Variants in PLPP3 observed in about 807,000 individuals in gnomAD.
PLPP3 encodes phospholipid phosphatase 3.
PLPP3 carries 6 observed loss-of-function variants against 29.6 expected under a neutral mutation model. That is an observed-to-expected ratio of 0.20 (90% CI 0.11 to 0.40). The LOEUF is 0.40. PLPP3 is among the 10% of genes least tolerant of loss of function. PLPP3 has a pLI of 1.00. For synonymous variants in PLPP3, 152 were observed against 159.7 expected, an observed-to-expected ratio of 0.95 and a Z score of 0.36; for missense variants, 308 against 407.7, an observed-to-expected ratio of 0.76 and a Z score of 2.11.
intron 1 of PLPP3, among the ~76,000 whole-genome samples, chr1:56,556,504 T>C (rs1035290683): frequency 3.3e-5 from 5 of 152,172 alleles, no homozygotes; most frequent in Non-Finnish European, 5.9e-5. Context: ...ATAGTATTTA[T>C]GGTAGATTAT....
At position 56,556,998 on chromosome 1, in the gene PLPP3, G is replaced by GAAAGAAGGAAAGAAAGAAAGA. The variant is rs1646082415; in HGVS notation, c.140-19887_140-19886insTCTTTCTTTCTTTCCTTCTTT. Among the ~76,000 whole-genome samples the GAAAGAAGGAAAGAAAGAAAGA allele has an allele frequency of 1.1e-3, 8 of 7,450 alleles. 2 individuals carry two copies. The highest frequency in any genetic ancestry group is 8.2e-4 in the Non-Finnish European group (2 of 2,450). 4.9% of individuals were successfully genotyped at this position (7,450 alleles called of 152,430 possible). A position where few individuals can be genotyped will look rare whatever the true frequency, so the allele number is the denominator to read the frequency against. On this transcript the variant is annotated intron_variant, in intron 1 of 5. Transcript: ENST00000371250. The stretch of plus-strand genomic sequence containing the variant: ...AGAAAGAAAGAAAGAAAGAAAGAAA[G>GAAAGAAGGAAAGAAAGAAAGA]AAAGAAAGAAAGAGAGAGAGAGAGA...
chr1:56,524,571 A>G lies in PLPP3; in HGVS notation c.298-17T>C. 1 of 1,600,562 alleles carries G rather than the reference A, an allele frequency of 6.2e-7. No homozygotes were observed. The highest frequency in any genetic ancestry group is 1.7e-4 in the Middle Eastern group (1 of 6,018). On this transcript the variant is annotated splice_polypyrimidine_tract_variant and intron_variant, in intron 2 of 5. Coordinates refer to ENST00000371250, the MANE Select transcript of PLPP3 (RefSeq NM_003713.5). The surrounding 1 kb of genome is among the most constrained non-coding windows in gnomAD (Gnocchi z 4.3). ...CGTGATGATCTAAAAGGAATCCAAC[A>G]GGGGAATTAGGCAGTATCAAGATTC...
At chr1:56,522,440 C>T (rs1295218921) in intron 4 of PLPP3, among the ~76,000 whole-genome samples, 2 of 152,228 alleles carry the variant, frequency 1.3e-5, no homozygotes, top group African/African-American at 2.4e-5. Context: ...TTGTTTCCAG[C>T]CCTGGGTAAA....
intron 5 of PLPP3, among the ~76,000 whole-genome samples, chr1:56,506,945 G>A (rs1013159534): frequency 1.3e-5 from 2 of 152,204 alleles, no homozygotes; most frequent in Non-Finnish European, 2.9e-5. Flanking sequence ...AGGTGTGCAG[G>A]CAGGCCTATC....
chr1:56,559,302 C>T (rs892234902), intron 1 of PLPP3, among the ~76,000 whole-genome samples: 2 of 152,188 alleles, frequency 1.3e-5, no homozygotes, highest in African/African-American at 4.8e-5. Flanking sequence ...ATGAGAATAC[C>T]TGTGCATTCA....
At chr1:56,546,681 G>C (rs1024134847) in intron 1 of PLPP3, among the ~76,000 whole-genome samples, 1 of 152,186 alleles carries the variant, frequency 6.6e-6, no homozygotes, top group African/African-American at 2.4e-5. Context: ...AGGTCACACA[G>C]TAAAATGAAC....
At chr1:56,537,323 G>C (rs1226797999) in intron 1 of PLPP3, among the ~76,000 whole-genome samples, 1 of 152,078 alleles carries the variant, frequency 6.6e-6, no homozygotes, top group Non-Finnish European at 1.5e-5. Context: ...CATGAGGAGA[G>C]AGGCATTATC....
intron 1 of PLPP3, among the ~76,000 whole-genome samples, chr1:56,566,215 G>A (rs751111156): frequency 6.6e-6 from 1 of 152,314 alleles, no homozygotes; most frequent in African/African-American, 2.4e-5. Flanking sequence ...TTTGGACGAC[G>A]CTTCAGGGGT....
chr1:56,551,181 A>G (rs1308055808), intron 1 of PLPP3, among the ~76,000 whole-genome samples: 1 of 152,180 alleles, frequency 6.6e-6, no homozygotes, highest in African/African-American at 2.4e-5. Flanking sequence ...AGATGTACAC[A>G]GGTATCCTTG....
chr1:56,538,369 T>C, intron 1 of PLPP3: 1 of 295,588 alleles, frequency 3.4e-6, no homozygotes, highest in Non-Finnish European at 6.8e-6. Flanking sequence ...ACCAGTTCTT[T>C]TACAAATCTT....
intron 1 of PLPP3, among the ~76,000 whole-genome samples, chr1:56,571,014 G>T (rs889903886): frequency 9.8e-5 from 15 of 152,308 alleles, no homozygotes; most frequent in African/African-American, 3.1e-4. Context: ...AAACCTGTTT[G>T]TCTTGTTCCT....
intron 1 of PLPP3, among the ~76,000 whole-genome samples, chr1:56,573,675 G>T (rs1321640103): frequency 6.6e-6 from 1 of 152,126 alleles, no homozygotes; most frequent in Non-Finnish European, 1.5e-5. Context: ...ATGAAATACT[G>T]GTGTAATAGG....
chr1:56,522,835 G>T (rs1645828368), intron 4 of PLPP3, among the ~76,000 whole-genome samples: 2 of 152,162 alleles, frequency 1.3e-5, no homozygotes. Flanking sequence ...TTCTATCAAA[G>T]CGGCTGAAAG....
chr1:56,548,788 T>C (rs561747709), intron 1 of PLPP3, among the ~76,000 whole-genome samples: 2 of 152,212 alleles, frequency 1.3e-5, no homozygotes, highest in East Asian at 3.9e-4. Flanking sequence ...TGGCATGCAA[T>C]ACCTATTTAC....
chr1:56,568,015 G>A (rs1325064998), intron 1 of PLPP3, among the ~76,000 whole-genome samples: 4 of 152,162 alleles, frequency 2.6e-5, no homozygotes, highest in African/African-American at 7.2e-5. Flanking sequence ...AAAACCGTAC[G>A]CCAAGTGGAA....
chr1:56,502,039 G>T (rs542736521), intron 5 of PLPP3, among the ~76,000 whole-genome samples: 1 of 152,340 alleles, frequency 6.6e-6, no homozygotes, highest in East Asian at 1.9e-4. Flanking sequence ...AGCACACACA[G>T]TCCAGCCCTG....
chr1:56,561,159 T>C (rs1261843127), intron 1 of PLPP3, among the ~76,000 whole-genome samples: 1 of 152,068 alleles, frequency 6.6e-6, no homozygotes, highest in African/African-American at 2.4e-5. Flanking sequence ...GAGCCCTCTT[T>C]AAGGCAAGAG....
intron 5 of PLPP3, among the ~76,000 whole-genome samples, chr1:56,505,418 A>G (rs770144277): frequency 6.6e-6 from 1 of 152,198 alleles, no homozygotes; most frequent in Non-Finnish European, 1.5e-5. Flanking sequence ...GGGGAACAAG[A>G]AAGGAAGTTT....
At chr1:56,514,737 T>C (rs759180281) in intron 4 of PLPP3, among the ~76,000 whole-genome samples, 2 of 152,162 alleles carry the variant, frequency 1.3e-5, no homozygotes, top group South Asian at 2.1e-4. Flanking sequence ...AAAATATTAC[T>C]GTAAGCAATG....
Sources: allele counts gnomAD v4.1 joint callset (sites outside exome capture counted in the v4.1 genomes callset), GRCh38; gene constraint gnomAD v4.1.1; non-coding constraint Gnocchi (gnomAD v3.1); transcripts MANE v1.5; gene names NCBI Gene and HGNC (gene_info 2026-07-23, HGNC 2026-07-21).